SEMA6D: variants seen among roughly 807,000 people sequenced by gnomAD.
The protein encoded by SEMA6D is semaphorin-6D.
SEMA6D carries 35 observed loss-of-function variants against 106.6 expected under a neutral mutation model. That is an observed-to-expected ratio of 0.33 (90% confidence interval 0.25 to 0.44). SEMA6D has a LOEUF of 0.44. SEMA6D is among the 20% of genes least tolerant of loss of function. SEMA6D has a pLI of 1.00. For missense variants in SEMA6D, 1,185 were observed against 1,345.9 expected (o/e 0.88, Z 1.87); for synonymous variants, 499 against 487.7 (o/e 1.02, Z -0.31).
chr15:47,297,857 CAG>C (rs2035866449), intron 1 of SEMA6D, among the ~76,000 whole-genome samples: 1 of 151,922 alleles, frequency 6.6e-6, no homozygotes, highest in Admixed American at 6.6e-5. Context: ...TAGTTTCATG[CAG>C]AGAGGAAAGC....
At chr15:47,687,053 A>G (rs1406873787) in intron 4 of SEMA6D, among the ~76,000 whole-genome samples, 1 of 140,118 alleles carries the variant, frequency 7.1e-6, no homozygotes, top group African/African-American at 2.7e-5. Flanking sequence ...GTGACACAGC[A>G]AGACCCTGTA....
intron 1 of SEMA6D, among the ~76,000 whole-genome samples, chr15:47,332,399 G>C (rs973924817): frequency 6.6e-6 from 1 of 152,142 alleles, no homozygotes; most frequent in Non-Finnish European, 1.5e-5. Flanking sequence ...TGAAAGAAAG[G>C]GTTCCTGTCC....
intron 1 of SEMA6D, among the ~76,000 whole-genome samples, chr15:47,236,109 G>C (rs1595787140): frequency 6.6e-6 from 1 of 152,096 alleles, no homozygotes; most frequent in African/African-American, 2.4e-5. Flanking sequence ...TATCTGGATT[G>C]CATCAATCTT....
chr15:47,459,167 T>A (rs1273643250), intron 2 of SEMA6D, among the ~76,000 whole-genome samples: 1 of 152,124 alleles, frequency 6.6e-6, no homozygotes, highest in Non-Finnish European at 1.5e-5. Flanking sequence ...GAGATTCTTC[T>A]TGTAGGCTTG....
In SEMA6D at chr15:47,759,895, G is replaced by C. The variant is rs1284049700; in HGVS notation, c.97G>C (p.Val33Leu). The C allele has an allele frequency of 6.2e-7, 1 of 1,610,580 alleles. No homozygotes were observed. The highest frequency in any genetic ancestry group is 8.5e-7 in the Non-Finnish European group (1 of 1,176,940). ...FPEDDEPLNT[V>L]DYHYSRQYPV... ...TGAAGATGATGAACCCCTTAATACT[G>C]TCGACTATCACTGTAAGTCGTCTCA... The change falls in exon 2 of 19, where the codon GTC becomes CTC. Residue 33 changes from valine to leucine, a missense_variant. Coordinates refer to ENST00000536845, the MANE Select transcript of SEMA6D (RefSeq NM_001358351.3).
chr15:47,222,106 G>A lies in SEMA6D; in HGVS notation c.-239+37688G>A, dbSNP rs118183334. On this transcript the variant is annotated intron_variant, in intron 1 of 19. Transcript: ENST00000558014. ...ACTGAGTGGATTATAATTCTGCAAG[G>A]CCATGACTGATAAAACACAAGTTCC... is the stretch of plus-strand genomic sequence containing the variant. 6.0e-4 allele frequency among the ~76,000 whole-genome samples: 91 copies of A among 152,174 alleles called. 1 individual carries two copies. Among genetic ancestry groups the A allele is most frequent in the African/African-American group, 1.9e-3 (80 of 41,520 alleles).
chr15:47,725,184 T>C (rs1424549641), intron 1 of SEMA6D, among the ~76,000 whole-genome samples: 1 of 152,196 alleles, frequency 6.6e-6, no homozygotes, highest in Admixed American at 6.5e-5. Flanking sequence ...TGAGTTGGAC[T>C]CTAGGTGCTG....
At chr15:47,529,345 A>G (rs2044870599) in intron 3 of SEMA6D, among the ~76,000 whole-genome samples, 1 of 152,110 alleles carries the variant, frequency 6.6e-6, no homozygotes, top group Non-Finnish European at 1.5e-5. Context: ...GTACACTGGT[A>G]TAACTTTTAT....
At chr15:47,494,294 TC>T (rs1865023834) in intron 3 of SEMA6D, among the ~76,000 whole-genome samples, 1 of 152,102 alleles carries the variant, frequency 6.6e-6, no homozygotes, top group Admixed American at 6.6e-5. Flanking sequence ...AGAAATGTAA[TC>T]TTATACACTA....
At position 47,763,352 on chromosome 15, in the gene SEMA6D, A is replaced by C. The variant is rs1462349419; in HGVS notation, c.747+248A>C. Among the ~76,000 whole-genome samples, 5 of 152,192 alleles carry C rather than the reference A, an allele frequency of 3.3e-5. No homozygotes were observed. The East Asian group carries it at 9.7e-4, about 30-fold the overall frequency. ...CGTTTTTTTTCCTGCAGCCACAGAG[A>C]GTGTTCTACAGGTACCCTTGAGCTA... is the stretch of plus-strand genomic sequence containing the variant. On this transcript the variant is annotated intron_variant, in intron 9 of 18. Transcript: ENST00000536845.
chr15:47,259,294 A>G (rs1036153061), intron 1 of SEMA6D, among the ~76,000 whole-genome samples: 29 of 152,146 alleles, frequency 1.9e-4, no homozygotes, highest in Admixed American at 6.6e-5. Flanking sequence ...ACCTTTATTT[A>G]TGATTACCTT....
chr15:47,241,080 C>T lies in SEMA6D; in HGVS notation c.-239+56662C>T, dbSNP rs1333342695. Among the ~76,000 whole-genome samples, 7 of 151,920 alleles carry T rather than the reference C, an allele frequency of 4.6e-5. No homozygotes were observed. The South Asian group carries it at 6.2e-4, about 13-fold the overall frequency. On this transcript the variant is annotated intron_variant, in intron 1 of 19. Coordinates refer to the SEMA6D transcript ENST00000558014. ...ATCTATCTCCTAGCAAGGAAGGGAC[C>T]GAGCTGAGATTAGAATGCAAATGGC...
intron 3 of SEMA6D, among the ~76,000 whole-genome samples, chr15:47,485,261 A>G (rs2043265262): frequency 6.6e-6 from 1 of 152,192 alleles, no homozygotes; most frequent in Admixed American, 6.6e-5. Flanking sequence ...GTCCATATTA[A>G]AGTAATGGTC....
chr15:47,289,133 C>T (rs76581776), intron 1 of SEMA6D, among the ~76,000 whole-genome samples: 3,502 of 151,976 alleles, frequency 0.023, 128 homozygotes, highest in African/African-American at 0.08. Context: ...TGAGCTAACA[C>T]GCCTGTAATC....
intron 2 of SEMA6D, among the ~76,000 whole-genome samples, chr15:47,451,906 A>G (rs1462165898): frequency 6.6e-6 from 1 of 152,018 alleles, no homozygotes; most frequent in African/African-American, 2.4e-5. Flanking sequence ...GATACATTCT[A>G]TTGTATGTAA....
chr15:47,244,903 G>C (rs2033117306), intron 1 of SEMA6D, among the ~76,000 whole-genome samples: 1 of 152,090 alleles, frequency 6.6e-6, no homozygotes, highest in South Asian at 2.1e-4. Flanking sequence ...TTATGTCCAT[G>C]AGTACCCAAT....
rs374904188 is a variant in SEMA6D at position 47,227,438 on chromosome 15, T to TTTC, written c.-239+43022_-239+43023insCTT. On this transcript the variant is annotated intron_variant, in intron 1 of 19. Coordinates refer to the SEMA6D transcript ENST00000558014. ...TTCTTTCTCTTTCTTTCTTTCTTTC[T>TTTC]TTTCTTTCTTTTCTTTCTTTTCTTT... 1.7e-3 allele frequency among the ~76,000 whole-genome samples: 130 copies of TTTC among 77,682 alleles called. 1 individual carries two copies. Among genetic ancestry groups the TTTC allele is most frequent in the African/African-American group, 3.8e-3 (77 of 20,378 alleles). The allele number at this position is 77,682 out of a possible 152,430, so 51.0% of individuals were successfully genotyped here.
In SEMA6D at chr15:47,768,707, A is replaced by G. The variant is rs1370223146; in HGVS notation, c.1892A>G (p.Asn631Ser). 19 of 1,613,514 alleles carry G rather than the reference A, an allele frequency of 1.2e-5. No individual in the cohort carries two copies. Among genetic ancestry groups the G allele is most frequent in the Non-Finnish European group, 1.6e-5 (19 of 1,179,598 alleles). ...SRKFVVQDDP[N>S]TSDFTDPLSG... ...AAATTTGTAGTTCAAGATGATCCAA[A>G]CACTTCTGATTTTACTGATCCTTTA... The change falls in exon 18 of 19, where the codon AAC (asparagine) becomes AGC (serine). Residue 631 changes from asparagine (N) to serine (S), a missense_variant. This residue lies in a region of SEMA6D where 750 missense variants were observed against 783.5 expected (regional missense o/e 0.96). Transcript: ENST00000536845.
At position 47,552,144 on chromosome 15, in the gene SEMA6D, A is replaced by T. The variant is rs540693098; in HGVS notation, c.-86-48721A>T. ...CAATAGTAGAAGAATAGTGCGATGAACTATGGCACAGACATTCTGAAGAAT... is the reference window on the plus strand; with the variant it reads ...CAATAGTAGAAGAATAGTGCGATGATCTATGGCACAGACATTCTGAAGAAT... On this transcript the variant is annotated intron_variant, in intron 3 of 19. Coordinates refer to the SEMA6D transcript ENST00000558014. 3.3e-5 allele frequency among the ~76,000 whole-genome samples: 5 copies of T among 152,270 alleles called. No homozygotes were observed. The East Asian group carries it at 5.8e-4, about 18-fold the overall frequency.
Sources: allele counts gnomAD v4.1 joint callset (sites outside exome capture counted in the v4.1 genomes callset), GRCh38; gene constraint gnomAD v4.1.1; regional missense constraint gnomAD v4.1.1; transcripts MANE v1.5; gene names NCBI Gene and HGNC (gene_info 2026-07-23, HGNC 2026-07-21).